DDX52: variants seen among roughly 807,000 people sequenced by gnomAD.
DDX52 encodes DExD-box helicase 52, also known as probable ATP-dependent RNA helicase DDX52.
Under a neutral mutation model 76.1 loss-of-function variants are expected in DDX52, and 59 were observed. The observed-to-expected ratio is 0.78, with a 90% CI of 0.63 to 0.96. The LOEUF (loss-of-function observed/expected upper bound fraction) is 0.96, where lower values mean the gene tolerates loss of function less well. DDX52 is among the 40% of genes least tolerant of loss of function. The pLI is 0.00. For synonymous variants in DDX52, 231 were observed against 244.1 expected (o/e 0.95, Z 0.50); for missense variants, 707 against 703.9 (o/e 1.00, Z -0.05).
At chr17:37,628,050 G>T (rs895698513) in intron 6 of DDX52, among the ~76,000 whole-genome samples, 5 of 152,006 alleles carry the variant, frequency 3.3e-5, no homozygotes, top group African/African-American at 1.2e-4. Context: ...ATAGCTATAG[G>T]TATGGAGAAG....
chr17:37,622,928 A>G (rs972201047), intron 9 of DDX52, among the ~76,000 whole-genome samples: 16 of 152,190 alleles, frequency 1.1e-4, no homozygotes, highest in African/African-American at 3.6e-4. Context: ...TATGAGGTAG[A>G]TATTATTATC....
chr17:37,634,758 A>T (rs1034099004), intron 2 of DDX52, among the ~76,000 whole-genome samples: 3 of 152,208 alleles, frequency 2.0e-5, no homozygotes, highest in Non-Finnish European at 4.4e-5. Context: ...TGTTTTGGTG[A>T]CTAGATCAGC....
At position 37,628,674 on chromosome 17, in the gene DDX52, T is replaced by TAA. The variant is rs748612808; in HGVS notation, c.748-4_748-3dup. On this transcript the variant is annotated splice_polypyrimidine_tract_variant and splice_region_variant and intron_variant, in intron 5 of 14. Coordinates refer to ENST00000617633, the MANE Select transcript of DDX52 (RefSeq NM_007010.5). ...AATTTTTATTAACTCTCTGTGAATC[T>TAA]AAAAAAAAAAAGATTAAAAACATTA... 3.2e-5 allele frequency: 41 copies of TAA among 1,283,192 alleles called. No individual in the cohort carries two copies. Among genetic ancestry groups the TAA allele is most frequent in the Admixed American group, 4.6e-5 (2 of 43,144 alleles). 79.5% of individuals were successfully genotyped at this position (1,283,192 alleles called of 1,614,324 possible).
intron 6 of DDX52, among the ~76,000 whole-genome samples, chr17:37,627,314 C>A (rs541745860): frequency 6.6e-6 from 1 of 152,320 alleles, no homozygotes; most frequent in East Asian, 1.9e-4. Context: ...GCCATTCTCA[C>A]TCCCGAGTAG....
At chr17:37,637,723 C>T (rs1228697235) in intron 2 of DDX52, among the ~76,000 whole-genome samples, 1 of 151,654 alleles carries the variant, frequency 6.6e-6, no homozygotes, top group Non-Finnish European at 1.5e-5. Context: ...TATAGGCATG[C>T]GCCACCACGC....
In DDX52 at chr17:37,619,835, C is replaced by T. The variant is rs939593553; in HGVS notation, c.1582G>A (p.Ala528Thr). Residue 528 changes from alanine (A) to threonine (T), a missense_variant, in exon 13 of 15, where the codon GCT becomes ACT. Ala to Thr is a moderately conservative substitution (Grantham distance 58). Transcript: ENST00000617633. The part of the protein sequence containing the change: ...EDDKPLLRSV[A>T]NVIQQAGCPV... ...CACCCAGCCTGCTGTATAACATTAG[C>T]AACGCTGAAAAAGAAACCCATAAAC... 1.2e-6 allele frequency: 2 copies of T among 1,612,036 alleles called. No individual in the cohort carries two copies. Among genetic ancestry groups the T allele is most frequent in the Non-Finnish European group, 8.5e-7 (1 of 1,179,536 alleles).
At chr17:37,617,580 CAGGTGT>C (rs1410994260) in intron 14 of DDX52, among the ~76,000 whole-genome samples, 1 of 152,196 alleles carries the variant, frequency 6.6e-6, no homozygotes, top group Non-Finnish European at 1.5e-5. Context: ...ATACTTCTTA[CAGGTGT>C]TACAATGTGC....
At chr17:37,630,258 A>C in intron 4 of DDX52, 85 bp from the exon 5 acceptor site, 1 of 1,351,060 alleles carries the variant, frequency 7.4e-7, no homozygotes, top group Non-Finnish European at 9.9e-7. Flanking sequence ...CAGCCATAGA[A>C]AAAAACAAAT....
chr17:37,642,213 T>G lies in DDX52; in HGVS notation c.183A>C (p.Ala61=), dbSNP rs2031236461. ...TTTGGGGCTTCTGATGTGTTTGTGATGCTCCACACACACCTGGGACAGACT... is the reference window on the plus strand; with the variant it reads ...TTTGGGGCTTCTGATGTGTTTGTGAGGCTCCACACACACCTGGGACAGACT... The part of the protein sequence containing the change: ...NKKSVPGVCG[A]SQTHQKPQNG... Residue 61 remains alanine, a synonymous_variant, in exon 2 of 15, where the codon GCA becomes GCC. Coordinates refer to ENST00000617633, the MANE Select transcript of DDX52 (RefSeq NM_007010.5). 3.7e-6 allele frequency: 6 copies of G among 1,614,190 alleles called. No homozygotes were observed. In the East Asian group the frequency reaches 1.3e-4, roughly 36 times the overall value.
intron 2 of DDX52, 76 bp from the exon 3 acceptor site, chr17:37,633,494 A>T: frequency 8.3e-7 from 1 of 1,207,316 alleles, no homozygotes; most frequent in Non-Finnish European, 1.1e-6. Flanking sequence ...TTCAAAAAAA[A>T]ATTAAAAATT....
chr17:37,638,631 T>C (rs555065602), intron 2 of DDX52, among the ~76,000 whole-genome samples: 3 of 152,334 alleles, frequency 2.0e-5, no homozygotes, highest in Admixed American at 1.3e-4. Context: ...AATTATGTTA[T>C]TAAGACAATT....
chr17:37,642,154 CT>C lies in DDX52; in HGVS notation c.241del (p.Arg81GlyfsTer13), dbSNP rs781682544. ...TTTTTTCTTGCTCTGCTCCCTCTTC[CT>C]TTCAGTTAGGCTCTCTTCTTTTTTC... ...GEKKEESLTERKREQSKKKRK... is the reference protein window; with the variant it reads ...GEKKEESLTEXKREQSKKKRK... On this transcript the variant is annotated frameshift_variant, in exon 2 of 15. Coordinates refer to ENST00000617633, the MANE Select transcript of DDX52 (RefSeq NM_007010.5). LOFTEE classifies it high-confidence loss of function. 5 of 1,613,980 alleles carry C rather than the reference CT, an allele frequency of 3.1e-6. No individual in the cohort carries two copies. Among genetic ancestry groups the C allele is most frequent in the Non-Finnish European group, 4.2e-6 (5 of 1,180,028 alleles).
At chr17:37,631,896 G>C in intron 4 of DDX52, 1 of 590,750 alleles carries the variant, frequency 1.7e-6, no homozygotes. Context: ...ACTGCAGTGT[G>C]GGGGAAAGGG....
intron 5 of DDX52, 97 bp downstream of exon 5, chr17:37,629,933 T>C: frequency 6.7e-7 from 1 of 1,501,138 alleles, no homozygotes; most frequent in East Asian, 2.3e-5. Flanking sequence ...ACAGAAGACG[T>C]GGGCCTTGCT....
intron 2 of DDX52, among the ~76,000 whole-genome samples, chr17:37,635,375 T>C (rs1164221961): frequency 6.6e-6 from 1 of 152,232 alleles, no homozygotes; most frequent in Non-Finnish European, 1.5e-5. Context: ...TTATAATCCA[T>C]CACTCCATGC....
Position 37,620,780 on chromosome 17 carries a change from A to G in DDX52, c.1577+93T>C, listed in dbSNP as rs10512476. 9.2e-3 allele frequency: 11,525 copies of G among 1,253,024 alleles called. 455 individuals carry two copies. The South Asian group carries it at 0.093, about 10-fold the overall frequency. The allele number at this position is 1,253,024 out of a possible 1,614,324, so 77.6% of individuals were successfully genotyped here. A position where few individuals can be genotyped will look rare whatever the true frequency, so the allele number is the denominator to read the frequency against. On this transcript the variant is annotated intron_variant, in intron 12 of 14. Coordinates refer to ENST00000617633, the MANE Select transcript of DDX52 (RefSeq NM_007010.5). The stretch of plus-strand genomic sequence containing the variant: ...CACCATTATCAGTAGAATTTGGGAC[A>G]TAGCCATTTTGTAATTATCTCTTAA...
intron 3 of DDX52, 77 bp from the exon 4 acceptor site, chr17:37,632,375 CA>C: frequency 2.6e-6 from 4 of 1,533,786 alleles, no homozygotes; most frequent in Non-Finnish European, 3.6e-6. Context: ...GCAACATTAA[CA>C]GTTTCTGGGA....
chr17:37,620,675 C>A (rs1257067122), intron 12 of DDX52, 198 bp downstream of exon 12: 2 of 472,650 alleles, frequency 4.2e-6, no homozygotes, highest in African/African-American at 4.1e-5. Context: ...ATATGTATTT[C>A]CAAATTCTAA....
rs1361602230 is a variant in DDX52 at position 37,612,948 on chromosome 17, C to T, written c.*1348G>A. 1 of 152,160 alleles carries T rather than the reference C, an allele frequency of 6.6e-6. No homozygotes were observed. Among genetic ancestry groups the T allele is most frequent in the African/African-American group, 2.4e-5 (1 of 41,442 alleles). The allele number at this position is 152,160 out of a possible 1,614,324, so 9.4% of individuals were successfully genotyped here. On this transcript the variant is annotated 3_prime_UTR_variant, in exon 15 of 15. Coordinates refer to ENST00000617633, the MANE Select transcript of DDX52 (RefSeq NM_007010.5). ...CATGAACAAACAAAAAAATCATATT[C>T]TTGTAAGTATTTTTACACCCTGTAC...
Sources: allele counts gnomAD v4.1 joint callset (sites outside exome capture counted in the v4.1 genomes callset), GRCh38; gene constraint gnomAD v4.1.1; transcripts MANE v1.5; gene names NCBI Gene and HGNC (gene_info 2026-07-23, HGNC 2026-07-21).